The following CSMD2 variants were observed in gnomAD, a reference collection of about 807,000 sequenced individuals.
The protein encoded by CSMD2 is CUB and Sushi multiple domains 2.
A neutral mutation model predicts 398.5 loss-of-function variants in CSMD2; 130 were observed. The ratio of observed to expected loss-of-function variants is 0.33; its 90% confidence interval spans 0.28 to 0.38. The LOEUF (loss-of-function observed/expected upper bound fraction) is 0.38. Ranked by LOEUF, CSMD2 falls within the 10% of genes least tolerant of loss-of-function variation. The pLI is 1.00. For missense variants in CSMD2, 3,829 were observed against 4,764.9 expected, an observed-to-expected ratio of 0.80 and a Z score of 5.78; for synonymous variants, 1,828 against 1,908.5, an observed-to-expected ratio of 0.96 and a Z score of 1.10.
At chr1:34,020,148 T>C (rs1184983403) in intron 3 of CSMD2, among the ~76,000 whole-genome samples, 1 of 152,122 alleles carries the variant, frequency 6.6e-6, no homozygotes, top group African/African-American at 2.4e-5. Flanking sequence ...AGAAAAGGCT[T>C]CTCAATAAGA....
intron 53 of CSMD2, among the ~76,000 whole-genome samples, chr1:33,562,917 G>GC (rs1175298849): frequency 6.6e-6 from 1 of 152,200 alleles, no homozygotes; most frequent in Non-Finnish European, 1.5e-5. Flanking sequence ...GGACTTGCCA[G>GC]CCTCCACAAT....
intron 5 of CSMD2, among the ~76,000 whole-genome samples, chr1:33,917,057 C>G (rs1321342236): frequency 6.6e-6 from 1 of 152,152 alleles, no homozygotes; most frequent in Non-Finnish European, 1.5e-5. Context: ...GACACCTCCT[C>G]CCACCCCTAT....
chr1:33,887,208 T>C (rs1355053679), intron 5 of CSMD2, among the ~76,000 whole-genome samples: 14 of 151,010 alleles, frequency 9.3e-5, no homozygotes, highest in Non-Finnish European at 1.9e-4. Flanking sequence ...AAAATATTCA[T>C]TCTGGGAATT....
intron 6 of CSMD2, among the ~76,000 whole-genome samples, chr1:33,845,251 T>C (rs1330410711): frequency 6.6e-6 from 1 of 152,212 alleles, no homozygotes; most frequent in Non-Finnish European, 1.5e-5. Flanking sequence ...CTTGGGCTAG[T>C]TACAACCTCT....
chr1:34,158,524 G>T (rs1641015512), intron 1 of CSMD2, among the ~76,000 whole-genome samples: 1 of 152,190 alleles, frequency 6.6e-6, no homozygotes, highest in Non-Finnish European at 1.5e-5. Context: ...AGGGGACCAG[G>T]TTCTAAGGTG....
chr1:34,130,997 A>C lies in CSMD2; in HGVS notation c.187+33914T>G, dbSNP rs1040899439. Among the ~76,000 whole-genome samples, 5 of 152,158 alleles carry C rather than the reference A, an allele frequency of 3.3e-5. No individual in the cohort carries two copies. In the East Asian group the frequency reaches 5.8e-4, roughly 18 times the overall value. On this transcript the variant is annotated intron_variant, in intron 1 of 70. Coordinates refer to ENST00000373381, the MANE Select transcript of CSMD2 (RefSeq NM_001281956.2). Reference sequence around the variant, plus strand: ...CTCCCCACCAGATAGAGCATATAGTAGGTGTTCAATAAATGCTTGCATTCA... The same window carrying C: ...CTCCCCACCAGATAGAGCATATAGTCGGTGTTCAATAAATGCTTGCATTCA...
rs749256616 is a variant in CSMD2 at position 33,567,833 on chromosome 1, T to C, written c.8140A>G (p.Thr2714Ala). 4 of 1,579,180 alleles carry C rather than the reference T, an allele frequency of 2.5e-6. No individual in the cohort carries two copies. Among genetic ancestry groups the C allele is most frequent in the Non-Finnish European group, 2.6e-6 (3 of 1,162,076 alleles). The change falls in exon 53 of 71, where the codon ACC becomes GCC. Residue 2714 changes from threonine (T) to alanine (A), a missense_variant. Thr to Ala is a moderately conservative substitution (Grantham distance 58, BLOSUM62 0). This residue lies in a region of CSMD2 where 723 missense variants were observed against 758.6 expected (regional missense o/e 0.95). Transcript: ENST00000373381. ...GSEVRCLATQ[T>A]KLHSIFYKLL... ...TTATAGAAAATGGAGTGGAGCTTGG[T>C]CTGAGTGGCTAGAGACAGGGATGGT...
intron 44 of CSMD2, among the ~76,000 whole-genome samples, chr1:33,593,471 G>A (rs1428719378): frequency 1.3e-5 from 2 of 152,222 alleles, no homozygotes; most frequent in Non-Finnish European, 2.9e-5. Flanking sequence ...AAGTTGAAAG[G>A]CATGTCTCAC....
chr1:33,779,275 A>G (rs1240930284), intron 12 of CSMD2, among the ~76,000 whole-genome samples: 3 of 152,130 alleles, frequency 2.0e-5, no homozygotes, highest in Non-Finnish European at 4.4e-5. Flanking sequence ...GTAGGGAGGT[A>G]GAATAGTGCA....
chr1:33,889,461 C>G (rs1232144166), intron 5 of CSMD2, among the ~76,000 whole-genome samples: 1 of 152,124 alleles, frequency 6.6e-6, no homozygotes, highest in African/African-American at 2.4e-5. Context: ...CACAGTCTTT[C>G]TGGAGTACAC....
intron 41 of CSMD2, among the ~76,000 whole-genome samples, chr1:33,610,139 C>T (rs1640896546): frequency 6.6e-6 from 1 of 152,000 alleles, no homozygotes; most frequent in Non-Finnish European, 1.5e-5. Context: ...TAAATTTCTG[C>T]TGTTTGTAAG....
intron 27 of CSMD2, 125 bp from the exon 28 acceptor site, chr1:33,652,586 A>G (rs1643820114): frequency 1.2e-5 from 12 of 1,024,914 alleles, no homozygotes; most frequent in Non-Finnish European, 1.6e-5. Context: ...AACCTGGCTT[A>G]GGGACTCAGG....
In CSMD2 at chr1:33,541,257, A is replaced by T. The variant is rs142484997; in HGVS notation, c.9330T>A (p.Asn3110Lys). 2.5e-6 allele frequency: 4 copies of T among 1,613,948 alleles called. No homozygotes were observed. The Admixed American group carries it at 5.0e-5, about 20-fold the overall frequency. ...TCACAGTTTTGTTGTACCTGAAGTC[A>T]TTGCCCAGCCGAAGGCCATTGGCTG... ...GIPANGLRLG[N>K]DFRYNKTVTY... The change falls in exon 59 of 71, where the codon AAT becomes AAA. Residue 3110 changes from asparagine to lysine, a missense_variant. Transcript: ENST00000373381.
rs114426483 is a variant in CSMD2 at position 33,609,799 on chromosome 1, G to A, written c.6343+1242C>T. Among the ~76,000 whole-genome samples, 238 of 152,166 alleles carry A rather than the reference G, an allele frequency of 1.6e-3. 1 individual carries two copies. Among genetic ancestry groups the A allele is most frequent in the African/African-American group, 5.6e-3 (232 of 41,526 alleles). Reference sequence around the variant, plus strand: ...TGAATTGTTGAAAGTGTGTATCTCTGCATAGGGTAGTGACAGGATGGGATT... The same window carrying A: ...TGAATTGTTGAAAGTGTGTATCTCTACATAGGGTAGTGACAGGATGGGATT... On this transcript the variant is annotated intron_variant, in intron 41 of 70. Transcript: ENST00000373381.
intron 10 of CSMD2, chr1:33,804,950 C>A: frequency 4.2e-6 from 3 of 713,376 alleles, no homozygotes; most frequent in Non-Finnish European, 7.8e-6. Flanking sequence ...TCAGCACTAC[C>A]TGAAGCCCAC....
In CSMD2 at chr1:33,908,125, A is replaced by G. The variant is rs1192481168; in HGVS notation, c.920+9969T>C. 2.6e-5 allele frequency among the ~76,000 whole-genome samples: 4 copies of G among 152,134 alleles called. No homozygotes were observed. The South Asian group carries it at 8.3e-4, about 32-fold the overall frequency. ...AAAAAAAAGAAAAGTAAAAAAGAAAAAAGTACAGACTAAGGGATAGAACTG... is the reference window on the plus strand; with the variant it reads ...AAAAAAAAGAAAAGTAAAAAAGAAAGAAGTACAGACTAAGGGATAGAACTG... On this transcript the variant is annotated intron_variant, in intron 5 of 70. Transcript: ENST00000373381.
chr1:34,112,533 A>T (rs529041879), intron 1 of CSMD2, among the ~76,000 whole-genome samples: 2 of 152,336 alleles, frequency 1.3e-5, no homozygotes, highest in South Asian at 4.1e-4. Context: ...AAGCCTCCAG[A>T]AATACTTCCA....
chr1:33,519,689 A>C lies in CSMD2; in HGVS notation c.10737-12T>G. 6.2e-7 allele frequency: 1 copy of C among 1,613,972 alleles called. No individual in the cohort carries two copies. Among genetic ancestry groups the C allele is most frequent in the Non-Finnish European group, 8.5e-7 (1 of 1,179,984 alleles). On this transcript the variant is annotated splice_polypyrimidine_tract_variant and intron_variant, in intron 69 of 70. Coordinates refer to ENST00000373381, the MANE Select transcript of CSMD2 (RefSeq NM_001281956.2). This position sits in a 1 kb window ranked among gnomAD's most constrained non-coding sequence, Gnocchi z 5.6. ...CTTTGGGTCTTCTCCTGGCGATAAA[A>C]GAGGAAGTGCCCACGGCATGAAAAG...
chr1:33,538,213 T>A (rs559281177), intron 60 of CSMD2, among the ~76,000 whole-genome samples: 10 of 152,334 alleles, frequency 6.6e-5, no homozygotes, highest in African/African-American at 2.4e-4. Flanking sequence ...CATGTATTAC[T>A]TTCTTAGGAG....
Sources: gnomAD v4.1 joint callset for allele counts (sites outside exome capture counted in the v4.1 genomes callset) on GRCh38, gnomAD v4.1.1 for gene constraint, gnomAD v4.1.1 regional missense constraint, Gnocchi (gnomAD v3.1) non-coding constraint, MANE v1.5 for transcripts, NCBI Gene and HGNC (gene_info 2026-07-23, HGNC 2026-07-21) for gene names.